ZNF423: variants seen among roughly 807,000 people sequenced by gnomAD.
ZNF423 encodes the protein Ebf-associated zinc finger protein.
ZNF423 carries 12 observed loss-of-function variants against 95.8 expected under a neutral mutation model. That is an observed-to-expected ratio of 0.13 (90% CI 0.08 to 0.20). ZNF423 has a LOEUF of 0.20. Among genes scored for constraint, ZNF423 ranks in the 10% least tolerant of loss-of-function variants. ZNF423 has a pLI of 1.00. For synonymous variants in ZNF423, 749 were observed against 711.9 expected, an observed-to-expected ratio of 1.05 and a Z score of -0.83; for missense variants, 1,316 against 1,737.1, an observed-to-expected ratio of 0.76 and a Z score of 4.31.
At chr16:49,756,678 C>T (rs1449832022) in intron 2 of ZNF423, among the ~76,000 whole-genome samples, 1 of 152,214 alleles carries the variant, frequency 6.6e-6, no homozygotes, top group Non-Finnish European at 1.5e-5. Flanking sequence ...TCCAGCCCAG[C>T]TCTCACCTGC....
Position 49,511,651 on chromosome 16 carries a change from G to A in ZNF423, c.3849+11973C>T, listed in dbSNP as rs533986080. 6.4e-4 allele frequency among the ~76,000 whole-genome samples: 98 copies of A among 152,330 alleles called. 1 individual carries two copies. Among genetic ancestry groups the A allele is most frequent in the Non-Finnish European group, 9.1e-4 (62 of 68,032 alleles). On this transcript the variant is annotated intron_variant, in intron 7 of 7. Transcript: ENST00000563137. ...CTTGGGCCTTCTAAGGACAAGGAGT[G>A]TTGTCAGTGTCCACCCCAGACTTCT...
rs928606808 is a variant in ZNF423, at chr16:49,626,331, C to T, written c.3517-77G>A. On this transcript the variant is annotated intron_variant, in intron 4 of 7. Coordinates refer to ENST00000563137, the MANE Select transcript of ZNF423 (RefSeq NM_001379286.1). ...GGAGAAAGCAAAAGTTCCTAGGGGGCCTGGGTCAAGACTTTCCAGAATGGT... is the reference window on the plus strand; with the variant it reads ...GGAGAAAGCAAAAGTTCCTAGGGGGTCTGGGTCAAGACTTTCCAGAATGGT... 2.7e-5 allele frequency: 38 copies of T among 1,414,304 alleles called. No individual in the cohort carries two copies. In the Middle Eastern group the frequency reaches 8.8e-4, roughly 33 times the overall value. The allele number at this position is 1,414,304 out of a possible 1,614,324, so 87.6% of individuals were successfully genotyped here. A position where few individuals can be genotyped will look rare whatever the true frequency, so the allele number is the denominator to read the frequency against.
At chr16:49,627,677 T>C (rs1488570967) in intron 4 of ZNF423, among the ~76,000 whole-genome samples, 2 of 143,666 alleles carry the variant, frequency 1.4e-5, no homozygotes, top group Non-Finnish European at 3.0e-5. Flanking sequence ...CATACCCATA[T>C]ACCCATTCAT....
chr16:49,792,919 A>C (rs780578068), intron 1 of ZNF423, among the ~76,000 whole-genome samples: 9 of 151,924 alleles, frequency 5.9e-5, no homozygotes, highest in Non-Finnish European at 8.8e-5. Flanking sequence ...GTGCCACTTC[A>C]TCTGGCTAAT....
intron 2 of ZNF423, among the ~76,000 whole-genome samples, chr16:49,736,531 A>G (rs963283884): frequency 4.6e-5 from 7 of 152,342 alleles, no homozygotes; most frequent in African/African-American, 1.4e-4. Context: ...GGCCAGTCAC[A>G]ATGGCTTACG....
chr16:49,589,140 T>G (rs1482219070), intron 5 of ZNF423, among the ~76,000 whole-genome samples: 1 of 152,122 alleles, frequency 6.6e-6, no homozygotes, highest in African/African-American at 2.4e-5. Flanking sequence ...CAAGAGTCAC[T>G]GAAACCCCTC....
At chr16:49,689,780 G>C (rs2031710086) in intron 3 of ZNF423, among the ~76,000 whole-genome samples, 1 of 152,172 alleles carries the variant, frequency 6.6e-6, no homozygotes. Flanking sequence ...AGGCATCCAG[G>C]CTGGAGATGC....
chr16:49,831,709 G>A (rs779154875), intron 1 of ZNF423, among the ~76,000 whole-genome samples: 6 of 152,178 alleles, frequency 3.9e-5, no homozygotes, highest in South Asian at 4.1e-4. Context: ...TATTGATAAA[G>A]TCTGAGCACG....
intron 5 of ZNF423, among the ~76,000 whole-genome samples, chr16:49,604,761 C>T (rs1971480970): frequency 6.6e-6 from 1 of 152,116 alleles, no homozygotes; most frequent in Non-Finnish European, 1.5e-5. Flanking sequence ...ATTGCTCTGC[C>T]CCTGTGTCTG....
intron 7 of ZNF423, among the ~76,000 whole-genome samples, chr16:49,522,483 T>C (rs1478948093): frequency 2.0e-5 from 3 of 152,034 alleles, no homozygotes; most frequent in Non-Finnish European, 2.9e-5. Context: ...CCTGCTTGGA[T>C]ATGTCACATG....
At chr16:49,496,483 G>C (rs148668761) in intron 7 of ZNF423, among the ~76,000 whole-genome samples, 26 of 152,218 alleles carry the variant, frequency 1.7e-4, no homozygotes, top group African/African-American at 6.0e-4. Context: ...CCCATGTGAC[G>C]GACTAGCTCC....
chr16:49,733,666 C>T (rs866062185), intron 2 of ZNF423, among the ~76,000 whole-genome samples: 1 of 152,310 alleles, frequency 6.6e-6, no homozygotes, highest in Non-Finnish European at 1.5e-5. Flanking sequence ...GCTCAGGCCA[C>T]ACAAAGGCGC....
chr16:49,610,342 T>G (rs1324605912), intron 5 of ZNF423, among the ~76,000 whole-genome samples: 3 of 152,172 alleles, frequency 2.0e-5, no homozygotes, highest in African/African-American at 7.2e-5. Context: ...ATGTTAACAC[T>G]GTCTGATGTA....
chr16:49,620,204 C>T (rs542319526), intron 5 of ZNF423, among the ~76,000 whole-genome samples: 3 of 142,036 alleles, frequency 2.1e-5, no homozygotes, highest in East Asian at 2.0e-4. Context: ...TACACATACA[C>T]ACACAGACAC....
intron 2 of ZNF423, among the ~76,000 whole-genome samples, chr16:49,739,928 G>C (rs552780302): frequency 6.6e-6 from 1 of 151,852 alleles, no homozygotes; most frequent in Admixed American, 6.6e-5. Context: ...GCACAATCTC[G>C]GCTCACTGCA....
intron 5 of ZNF423, among the ~76,000 whole-genome samples, chr16:49,625,612 T>C (rs944475491): frequency 6.6e-6 from 1 of 152,106 alleles, no homozygotes; most frequent in African/African-American, 2.4e-5. Context: ...CATCCACCCA[T>C]CCAAGGTAGA....
At chr16:49,808,953 G>A (rs2034708318) in intron 1 of ZNF423, among the ~76,000 whole-genome samples, 1 of 152,156 alleles carries the variant, frequency 6.6e-6, no homozygotes, top group African/African-American at 2.4e-5. Context: ...TCAGCAATGG[G>A]AAAGGATACC....
At chr16:49,495,672 T>C (rs1967140962) in intron 7 of ZNF423, among the ~76,000 whole-genome samples, 1 of 152,206 alleles carries the variant, frequency 6.6e-6, no homozygotes, top group Non-Finnish European at 1.5e-5. Flanking sequence ...GTGGCTACAC[T>C]GTCCTTCCCA....
chr16:49,549,544 C>T (rs894907807), intron 5 of ZNF423, among the ~76,000 whole-genome samples: 4 of 152,130 alleles, frequency 2.6e-5, no homozygotes, highest in South Asian at 2.1e-4. Flanking sequence ...GTTGGCTGAC[C>T]GAGAAGGTGA....
Sources: allele counts gnomAD v4.1 joint callset (sites outside exome capture counted in the v4.1 genomes callset), GRCh38; gene constraint gnomAD v4.1.1; transcripts MANE v1.5; gene names NCBI Gene and HGNC (gene_info 2026-07-23, HGNC 2026-07-21).